Variants in KCNG3 observed in about 807,000 individuals in gnomAD.
KCNG3 encodes potassium voltage-gated channel modifier subfamily G member 3.
Under a neutral mutation model 29.0 loss-of-function variants are expected in KCNG3, and 15 were observed. The observed-to-expected ratio is 0.52, with a 90% CI of 0.35 to 0.80. The LOEUF is 0.80. KCNG3 is among the 30% of genes least tolerant of loss of function. The pLI, the probability that KCNG3 is intolerant of heterozygous loss-of-function variation, is 0.01. For synonymous variants in KCNG3, 322 were observed against 248.9 expected (o/e 1.29, Z -2.76); for missense variants, 512 against 605.7 (o/e 0.85, Z 1.62).
chr2:42,453,495 G>A (rs563113128), intron 1 of KCNG3, among the ~76,000 whole-genome samples: 10 of 152,252 alleles, frequency 6.6e-5, no homozygotes, highest in South Asian at 4.1e-4. Flanking sequence ...TTTGCCATTC[G>A]TATGTCTTCT....
chr2:42,444,714 T>C lies in KCNG3; in HGVS notation c.666-135A>G. 1.3e-6 allele frequency: 1 copy of C among 753,830 alleles called. No individual in the cohort carries two copies. Among genetic ancestry groups the C allele is most frequent in the Non-Finnish European group, 2.1e-6 (1 of 473,446 alleles). 46.7% of individuals were successfully genotyped at this position (753,830 alleles called of 1,614,324 possible). On this transcript the variant is annotated intron_variant, in intron 1 of 1. Transcript: ENST00000306078. The surrounding 1 kb of genome is among the most constrained non-coding windows in gnomAD (Gnocchi z 5.8). ...AGAAAACATAAAGAACAGACAACAT[T>C]AGCAACATCATCAGACCACCAGGAT...
rs1266700206 is a variant in KCNG3 at position 42,481,930 on chromosome 2, T to G, written c.665+10907A>C. ...ATTCTGACTTATTACTTCATAACAC[T>G]TATCGCCCTCTGGGTTTTTCTTGTT... is the stretch of plus-strand genomic sequence containing the variant. On this transcript the variant is annotated intron_variant, in intron 1 of 1. Transcript: ENST00000306078. 3.9e-5 allele frequency among the ~76,000 whole-genome samples: 6 copies of G among 152,324 alleles called. No individual in the cohort carries two copies. In the East Asian group the frequency reaches 9.6e-4, roughly 24 times the overall value.
the KCNG3 span, among the ~76,000 whole-genome samples, chr2:42,415,901 G>A: frequency 6.6e-6 from 1 of 152,190 alleles, no homozygotes; most frequent in Admixed American, 6.5e-5. Flanking sequence ...CCTCATAGAA[G>A]TAGAGAGTAG....
chr2:42,432,502 T>A, the KCNG3 span, among the ~76,000 whole-genome samples: 1 of 152,200 alleles, frequency 6.6e-6, no homozygotes, highest in African/African-American at 2.4e-5. Context: ...ACATTGACGA[T>A]TCAAGGACAC....
At chr2:42,429,272 A>T in the KCNG3 span, among the ~76,000 whole-genome samples, 2 of 152,092 alleles carry the variant, frequency 1.3e-5, no homozygotes, top group African/African-American at 4.8e-5. Flanking sequence ...TGTAGATACC[A>T]AGGTAGATGC....
chr2:42,481,331 C>T (rs754432950), intron 1 of KCNG3, among the ~76,000 whole-genome samples: 4 of 152,122 alleles, frequency 2.6e-5, no homozygotes, highest in Non-Finnish European at 4.4e-5. Context: ...CCTTTAGCTG[C>T]CTGAACCCAG....
At chr2:42,473,466 C>T (rs1673343175) in intron 1 of KCNG3, among the ~76,000 whole-genome samples, 1 of 152,094 alleles carries the variant, frequency 6.6e-6, no homozygotes, top group African/African-American at 2.4e-5. Flanking sequence ...TCTCCTGCCT[C>T]AGCCTCCTGA....
intron 1 of KCNG3, among the ~76,000 whole-genome samples, chr2:42,451,234 A>C (rs1572843817): frequency 6.8e-6 from 1 of 147,312 alleles, no homozygotes. Context: ...AAAAAAGATT[A>C]AATGGTATAT....
At chr2:42,477,854 G>A (rs1673477323) in intron 1 of KCNG3, among the ~76,000 whole-genome samples, 1 of 150,484 alleles carries the variant, frequency 6.6e-6, no homozygotes, top group South Asian at 2.1e-4. Flanking sequence ...ACTCCAGCCT[G>A]GGTGACAAAG....
chr2:42,488,971 T>C, intron 1 of KCNG3, among the ~76,000 whole-genome samples: 1 of 151,966 alleles, frequency 6.6e-6, no homozygotes, highest in Non-Finnish European at 1.5e-5. Context: ...AGTGGAGAAA[T>C]GACAACTCTG....
chr2:42,409,366 TA>T, the KCNG3 span, among the ~76,000 whole-genome samples: 2 of 152,048 alleles, frequency 1.3e-5, no homozygotes, highest in Admixed American at 1.3e-4. Flanking sequence ...ATCTTTTAAT[TA>T]AAAATTATTT....
Position 42,455,507 on chromosome 2 carries a change from T to C in KCNG3, c.666-10928A>G, listed in dbSNP as rs141553301. 7.1e-3 allele frequency among the ~76,000 whole-genome samples: 1,088 copies of C among 152,290 alleles called. 13 individuals are homozygous for C. Among genetic ancestry groups the C allele is most frequent in the African/African-American group, 0.025 (1,042 of 41,568 alleles). ...TGGCCCCAATAGTTCATGTCTGTAA[T>C]CCCAACACTTAGGGAGGCCAAGGCA... On this transcript the variant is annotated intron_variant, in intron 1 of 1. Coordinates refer to ENST00000306078, the MANE Select transcript of KCNG3 (RefSeq NM_133329.6).
chr2:42,433,644 C>T, the KCNG3 span, among the ~76,000 whole-genome samples: 1 of 152,264 alleles, frequency 6.6e-6, no homozygotes, highest in African/African-American at 2.4e-5. Flanking sequence ...GAGGCTGAGG[C>T]AGGAGAATTG....
chr2:42,463,920 T>A, intron 1 of KCNG3: 1 of 324,656 alleles, frequency 3.1e-6, no homozygotes, highest in Non-Finnish European at 6.1e-6. Flanking sequence ...CAAGTTTTAT[T>A]AAGCCTAATC....
At position 42,490,189 on chromosome 2, in the gene KCNG3, C is replaced by T. The variant is rs1454592703; in HGVS notation, c.665+2648G>A. Among the ~76,000 whole-genome samples the T allele has an allele frequency of 3.3e-5, 5 of 152,250 alleles. No homozygotes were observed. The South Asian group carries it at 6.2e-4, about 19-fold the overall frequency. ...ACTTCATATACAAGTTTCTTGCCCACGATGTTCCTTTTATCTTAAAAAATC... is the reference window on the plus strand; with the variant it reads ...ACTTCATATACAAGTTTCTTGCCCATGATGTTCCTTTTATCTTAAAAAATC... On this transcript the variant is annotated intron_variant, in intron 1 of 1. Transcript: ENST00000306078.
intron 1 of KCNG3, among the ~76,000 whole-genome samples, chr2:42,466,956 T>C (rs551637887): frequency 4.1e-4 from 62 of 152,100 alleles, no homozygotes; most frequent in Non-Finnish European, 6.8e-4. Context: ...TTTCACCATG[T>C]TGGCCGGGCT....
intron 1 of KCNG3, chr2:42,464,061 G>A (rs896651339): frequency 4.6e-6 from 1 of 218,602 alleles, no homozygotes; most frequent in Non-Finnish European, 9.3e-6. Flanking sequence ...TGGCTGCAGC[G>A]GGGGCTGCCT....
chr2:42,425,760 C>T, the KCNG3 span, among the ~76,000 whole-genome samples: 32 of 152,100 alleles, frequency 2.1e-4, 1 homozygote, highest in South Asian at 5.8e-3. Flanking sequence ...AATATGAAAG[C>T]GGGTCAAAGA....
intron 1 of KCNG3, among the ~76,000 whole-genome samples, chr2:42,449,381 C>T (rs537569261): frequency 6.6e-6 from 1 of 151,696 alleles, no homozygotes; most frequent in South Asian, 2.1e-4. Context: ...CACTCATTTA[C>T]ACATTGTCTA....
Sources: allele counts gnomAD v4.1 joint callset (sites outside exome capture counted in the v4.1 genomes callset), GRCh38; gene constraint gnomAD v4.1.1; non-coding constraint Gnocchi (gnomAD v3.1); transcripts MANE v1.5; gene names NCBI Gene and HGNC (gene_info 2026-07-23, HGNC 2026-07-21).